Variants in DOCK9 observed in about 807,000 individuals in gnomAD.
DOCK9 encodes dedicator of cytokinesis 9.
Under a neutral mutation model 263.3 loss-of-function variants are expected in DOCK9, and 89 were observed. The ratio of observed to expected loss-of-function variants is 0.34; its 90% CI spans 0.28 to 0.40. The LOEUF (loss-of-function observed/expected upper bound fraction) is 0.40, where lower values mean the gene tolerates loss of function less well. Among genes scored for constraint, DOCK9 ranks in the 10% least tolerant of loss-of-function variants. The pLI is 1.00. For missense variants in DOCK9, 2,140 were observed against 2,603.4 expected (o/e 0.82, Z 3.87); for synonymous variants, 976 against 973.1 (o/e 1.00, Z -0.06).
rs75778787 is a variant in DOCK9 at position 98,825,907 on chromosome 13, T to C, written c.5023+923A>G. ...CCTCCTCAGGCAGGCGCTATGGCTG[T>C]GGGGGAGAAGGGGCGGCTCCCACTG... On this transcript the variant is annotated intron_variant, in intron 44 of 52. Coordinates refer to ENST00000682017, the MANE Select transcript of DOCK9 (RefSeq NM_001366683.2). The surrounding 1 kb of genome is among the most constrained non-coding windows in gnomAD (Gnocchi z 4.1). 1 of 1,555,128 alleles carries C rather than the reference T, an allele frequency of 6.4e-7. No homozygotes were observed. Among genetic ancestry groups the C allele is most frequent in the Non-Finnish European group, 8.7e-7 (1 of 1,149,584 alleles).
At chr13:99,060,062 C>CT (rs71114576) in intron 1 of DOCK9, among the ~76,000 whole-genome samples, 4,733 of 61,398 alleles carry the variant, frequency 0.077, 1,207 homozygotes, top group South Asian at 0.094. Context: ...ATTGTTTCTA[C>CT]TTTTTTTTTT....
rs1445692887 is a variant in DOCK9 at position 99,086,458 on chromosome 13, G to A, written c.-107C>T. ...CCGGCCCGCTCCGCCCGCCGCTCCC[G>A]GCGCCGCCGCCGCCTGCTCCCCCCG... is the stretch of plus-strand genomic sequence containing the variant. On this transcript the variant is annotated 5_prime_UTR_variant, in exon 1 of 33. Coordinates refer to the DOCK9 transcript ENST00000427887. 2.1e-5 allele frequency: 16 copies of A among 754,294 alleles called. 1 individual carries two copies. The South Asian group carries it at 7.4e-4, about 35-fold the overall frequency. 46.7% of individuals were successfully genotyped at this position (754,294 alleles called of 1,614,324 possible).
chr13:98,824,897 G>GT (rs923870210), intron 44 of DOCK9, among the ~76,000 whole-genome samples: 1 of 152,200 alleles, frequency 6.6e-6, no homozygotes. Flanking sequence ...TAAGAGAAAT[G>GT]TATGATTCAA....
At chr13:98,849,837 C>T (rs541323194) in intron 36 of DOCK9, among the ~76,000 whole-genome samples, 10 of 152,258 alleles carry the variant, frequency 6.6e-5, no homozygotes, top group Non-Finnish European at 8.8e-5. Flanking sequence ...AAAACAGGCA[C>T]GTATCTGTAA....
chr13:98,808,993 A>G, intron 47 of DOCK9: 2 of 1,233,268 alleles, frequency 1.6e-6, no homozygotes, highest in Non-Finnish European at 2.2e-6. Context: ...TGTAAATGGA[A>G]TAAAATGTTA....
At chr13:98,927,036 T>C (rs1371821308) in intron 3 of DOCK9, among the ~76,000 whole-genome samples, 2 of 152,254 alleles carry the variant, frequency 1.3e-5, no homozygotes, top group African/African-American at 4.8e-5. Flanking sequence ...GCTTATTTTG[T>C]GCCAGGCTCT....
At chr13:98,862,762 G>A (rs2093910408) in intron 32 of DOCK9, among the ~76,000 whole-genome samples, 1 of 152,088 alleles carries the variant, frequency 6.6e-6, no homozygotes, top group Admixed American at 6.5e-5. Flanking sequence ...AGTGAGGATA[G>A]AGGCAGAGAC....
upstream of DOCK9, among the ~76,000 whole-genome samples, chr13:99,087,001 A>G (rs1344381084): frequency 1.3e-5 from 2 of 151,922 alleles, no homozygotes; most frequent in Non-Finnish European, 2.9e-5. Context: ...GCTGCGCTCG[A>G]GGGGACCCCG....
chr13:98,829,796 A>G lies in DOCK9; in HGVS notation c.4636-40T>C, dbSNP rs748519636. 1.5e-4 allele frequency: 225 copies of G among 1,524,810 alleles called. No homozygotes were observed. The highest frequency in any genetic ancestry group is 2.9e-4 in the Admixed American group (15 of 52,292). The allele number at this position is 1,524,810 out of a possible 1,614,324, so 94.5% of individuals were successfully genotyped here. A position where few individuals can be genotyped will look rare whatever the true frequency, so the allele number is the denominator to read the frequency against. On this transcript the variant is annotated intron_variant, in intron 41 of 52. Transcript: ENST00000682017. The surrounding 1 kb of genome is among the most constrained non-coding windows in gnomAD (Gnocchi z 4.1). ...AACATGAGCAAATCAATTTACCTTCAAATGACTGCCCAGGCTGGGCTTCTG... is the reference window on the plus strand; with the variant it reads ...AACATGAGCAAATCAATTTACCTTCGAATGACTGCCCAGGCTGGGCTTCTG...
intron 2 of DOCK9, among the ~76,000 whole-genome samples, chr13:98,947,506 ATTTTTTTT>A (rs35004750): frequency 8.1e-6 from 1 of 123,798 alleles, no homozygotes; most frequent in Admixed American, 8.7e-5. Context: ...TCTATTCAGA[ATTTTTTTT>A]TTTTTTTTTT....
intron 2 of DOCK9, among the ~76,000 whole-genome samples, chr13:98,943,804 GA>G (rs979699050): frequency 4.6e-5 from 7 of 151,940 alleles, no homozygotes; most frequent in African/African-American, 1.5e-4. Context: ...CTATTTAGGG[GA>G]AAAAAAGCAG....
chr13:98,944,453 T>C (rs1164367799), intron 2 of DOCK9, among the ~76,000 whole-genome samples: 17 of 136,504 alleles, frequency 1.2e-4, no homozygotes, highest in Non-Finnish European at 3.2e-5. Context: ...AATGATGAAA[T>C]ACTTTGTAAG....
At chr13:98,978,492 C>T (rs1334409402), upstream of DOCK9, among the ~76,000 whole-genome samples, 2 of 152,168 alleles carry the variant, frequency 1.3e-5, no homozygotes, top group Non-Finnish European at 2.9e-5. Flanking sequence ...CTCGTGGATA[C>T]AGGTGGAGGA....
intron 29 of DOCK9, among the ~76,000 whole-genome samples, 154 bp downstream of exon 29, chr13:98,867,774 G>A (rs1228819402): frequency 6.6e-6 from 1 of 151,826 alleles, no homozygotes; most frequent in Non-Finnish European, 1.5e-5. Flanking sequence ...CTACTTCAAT[G>A]AAGGACTTCA....
chr13:98,854,572 G>T (rs2093655892), intron 34 of DOCK9: 1 of 152,092 alleles, frequency 6.6e-6, no homozygotes. Flanking sequence ...AGTACTTCCG[G>T]CAGTGGGAGG....
chr13:98,818,136 C>A (rs1478085704), intron 45 of DOCK9, among the ~76,000 whole-genome samples: 1 of 152,220 alleles, frequency 6.6e-6, no homozygotes, highest in African/African-American at 2.4e-5. Context: ...CCACCTCTCA[C>A]ATAAGTAGAG....
chr13:98,980,392 G>T (rs1003506222), upstream of DOCK9, among the ~76,000 whole-genome samples: 1 of 152,218 alleles, frequency 6.6e-6, no homozygotes, highest in Non-Finnish European at 1.5e-5. Context: ...GCCCAGAGAC[G>T]TTAAATACTT....
chr13:98,921,227 G>C (rs1218531791), intron 6 of DOCK9, 139 bp from the exon 7 acceptor site: 2 of 832,116 alleles, frequency 2.4e-6, no homozygotes, highest in East Asian at 5.4e-5. Context: ...GTCACTGTGG[G>C]GTCAAGACTC....
At chr13:99,041,594 C>T (rs980155529) in intron 1 of DOCK9, among the ~76,000 whole-genome samples, 4 of 152,170 alleles carry the variant, frequency 2.6e-5, no homozygotes, top group Admixed American at 2.6e-4. Context: ...AGTACACTTC[C>T]TACTCATCAG....
Sources: gnomAD v4.1 joint callset for allele counts (sites outside exome capture counted in the v4.1 genomes callset) on GRCh38, gnomAD v4.1.1 for gene constraint, Gnocchi (gnomAD v3.1) non-coding constraint, MANE v1.5 for transcripts, NCBI Gene and HGNC (gene_info 2026-07-23, HGNC 2026-07-21) for gene names.